Variants in MLXIP observed in about 807,000 individuals in gnomAD.
The protein encoded by MLXIP is MLX-interacting protein.
In MLXIP, 30 loss-of-function variants were observed where a neutral mutation model predicts 87.2. The observed-to-expected ratio is 0.34, with a 90% CI of 0.26 to 0.47. MLXIP has a LOEUF of 0.47. Ranked by LOEUF, MLXIP falls within the 20% of genes least tolerant of loss-of-function variation. The probability of loss-of-function intolerance (pLI) is 1.00; values close to 1 mark genes in which losing one functional copy is unlikely to be tolerated. For synonymous variants in MLXIP, 530 were observed against 514.0 expected, an observed-to-expected ratio of 1.03 and a Z score of -0.42; for missense variants, 1,002 against 1,240.1, an observed-to-expected ratio of 0.81 and a Z score of 2.88.
intron 1 of MLXIP, among the ~76,000 whole-genome samples, chr12:122,105,210 T>C (rs1321215161): frequency 6.6e-6 from 1 of 152,230 alleles, no homozygotes; most frequent in African/African-American, 2.4e-5. Context: ...TCTCTGCAGT[T>C]AGTCACTGGG....
intron 1 of MLXIP, among the ~76,000 whole-genome samples, chr12:122,093,753 G>GTT (rs1952291381): frequency 6.9e-6 from 1 of 144,598 alleles, no homozygotes; most frequent in African/African-American, 2.6e-5. Context: ...TGTGTGGTGT[G>GTT]GGTGTAGTGT....
intron 1 of MLXIP, among the ~76,000 whole-genome samples, chr12:122,094,320 TTGGTGTGTGTG>T (rs1952308868): frequency 1.5e-5 from 2 of 137,480 alleles, no homozygotes; most frequent in Admixed American, 1.4e-4. Flanking sequence ...GTGTGGTGTG[TTGGTGTGTGTG>T]TGGTGTGTAT....
At chr12:122,141,582 G>A (rs893636258) in intron 16 of MLXIP, 109 bp from the exon 17 acceptor site, 55 of 1,507,030 alleles carry the variant, frequency 3.6e-5, no homozygotes, top group Admixed American at 4.1e-5. Flanking sequence ...CATGGCTGCT[G>A]CTCGCCCCGT....
intron 1 of MLXIP, among the ~76,000 whole-genome samples, chr12:122,109,736 A>T (rs914072286): frequency 6.6e-6 from 1 of 152,228 alleles, no homozygotes; most frequent in East Asian, 1.9e-4. Flanking sequence ...TGACTAAAAA[A>T]CACCCATGGG....
chr12:122,134,856 T>C (rs559137216), intron 9 of MLXIP: 61 of 306,918 alleles, frequency 2.0e-4, no homozygotes, highest in South Asian at 1.6e-3. Context: ...GTATCTTCAG[T>C]AGAGATGGGG....
At chr12:122,123,369 C>G (rs10773037) in intron 1 of MLXIP, among the ~76,000 whole-genome samples, 76,615 of 151,958 alleles carry the variant, frequency 0.5, 19,809 homozygotes, top group Middle Eastern at 0.64. Flanking sequence ...CTTTGTGTTT[C>G]TTGAGCGCCA....
Position 122,141,959 on chromosome 12 carries a change from G to A in MLXIP, c.*147G>A, listed in dbSNP as rs2135997710. ...GCCCACCGTGGCATCGGGAGGCCAT[G>A]CTCAGGTCTGAAGCAGGTTTGGGGC... On this transcript the variant is annotated 3_prime_UTR_variant, in exon 17 of 17. Coordinates refer to ENST00000319080, the MANE Select transcript of MLXIP (RefSeq NM_014938.6). 5 of 1,277,282 alleles carry A rather than the reference G, an allele frequency of 3.9e-6. No individual in the cohort carries two copies. The highest frequency in any genetic ancestry group is 2.9e-5 in the African/African-American group (2 of 67,956). The allele number at this position is 1,277,282 out of a possible 1,614,324, so 79.1% of individuals were successfully genotyped here.
intron 1 of MLXIP, among the ~76,000 whole-genome samples, chr12:122,097,387 G>A (rs1475166709): frequency 1.3e-5 from 2 of 152,142 alleles, no homozygotes; most frequent in Non-Finnish European, 2.9e-5. Context: ...TTGGGAGGCT[G>A]ACGTGGGAGG....
chr12:122,133,316 A>G lies in MLXIP; in HGVS notation c.1093-32A>G. 6.5e-7 allele frequency: 1 copy of G among 1,530,486 alleles called. No homozygotes were observed. Among genetic ancestry groups the G allele is most frequent in the African/African-American group, 1.4e-5 (1 of 72,700 alleles). 94.8% of individuals were successfully genotyped at this position (1,530,486 alleles called of 1,614,324 possible). A position where few individuals can be genotyped will look rare whatever the true frequency, so the allele number is the denominator to read the frequency against. ...TAGAAAGGAATTGTCTGACCCCAGC[A>G]TTGCTTCCTGGCTCCTTTCTTCCTT... On this transcript the variant is annotated intron_variant, in intron 8 of 16. Coordinates refer to ENST00000319080, the MANE Select transcript of MLXIP (RefSeq NM_014938.6). The surrounding 1 kb of genome is among the most constrained non-coding windows in gnomAD (Gnocchi z 4.9).
intron 9 of MLXIP, chr12:122,134,991 A>G (rs530468616): frequency 2.4e-5 from 12 of 501,820 alleles, no homozygotes; most frequent in African/African-American, 2.1e-4. Flanking sequence ...CTTTTTTTTA[A>G]AGTTAGTCAC....
At chr12:122,138,586 C>T (rs760911436) in intron 14 of MLXIP, 35 bp downstream of exon 14, 3 of 1,590,402 alleles carry the variant, frequency 1.9e-6, no homozygotes, top group Admixed American at 3.6e-5. Context: ...CAACCAGGCA[C>T]CCCATCCCGA....
chr12:122,138,333 G>C (rs1349212210), intron 13 of MLXIP, 38 bp downstream of exon 13: 1 of 1,612,056 alleles, frequency 6.2e-7, no homozygotes, highest in Admixed American at 1.7e-5. Flanking sequence ...CAGGGCAGGG[G>C]AGCTGGCAGG....
At position 122,134,102 on chromosome 12, in the gene MLXIP, T is replaced by C. The variant is rs575510910; in HGVS notation, c.1732+115T>C. On this transcript the variant is annotated intron_variant, in intron 9 of 16. Transcript: ENST00000319080. ...ACCACCACCCTGGTGTGCACGTGCA[T>C]GCGCACACACATACACTTAAATGAA... The C allele has an allele frequency of 3.8e-5, 46 of 1,218,774 alleles. No homozygotes were observed. The African/African-American group carries it at 5.0e-4, about 13-fold the overall frequency. 75.5% of individuals were successfully genotyped at this position (1,218,774 alleles called of 1,614,324 possible). A position where few individuals can be genotyped will look rare whatever the true frequency, so the allele number is the denominator to read the frequency against.
At chr12:122,138,777 T>C in intron 14 of MLXIP, 38 bp from the exon 15 acceptor site, 1 of 1,606,184 alleles carries the variant, frequency 6.2e-7, no homozygotes, top group Non-Finnish European at 8.5e-7. Flanking sequence ...TATTGGCCAC[T>C]GGCTGCTCCA....
rs575414842 is a variant in MLXIP, at chr12:122,118,933, G to A, written c.414-8323G>A. The stretch of plus-strand genomic sequence containing the variant: ...TGTAATCCCAGCACTTTGGGAGGTC[G>A]AAGCGGGCAGATCACGAGGTCAGGA... On this transcript the variant is annotated intron_variant, in intron 1 of 16. Transcript: ENST00000319080. Among the ~76,000 whole-genome samples the A allele has an allele frequency of 3.3e-5, 5 of 151,968 alleles. No individual in the cohort carries two copies. In the South Asian group the frequency reaches 1.0e-3, roughly 32 times the overall value.
chr12:122,079,301 G>A (rs1253317004), intron 1 of MLXIP, 35 bp downstream of exon 1: 1 of 1,533,028 alleles, frequency 6.5e-7, no homozygotes, highest in Admixed American at 2.0e-5. Flanking sequence ...GGCCCCGGCC[G>A]GAGGCCCTTG....
Position 122,145,250 on chromosome 12 carries a change from C to G in MLXIP, c.*3438C>G, listed in dbSNP as rs962136313. ...AGGGGCTGGAAAGCAGCAGACCCCC[C>G]CAGTGCTGCGCATGGTCCCGGAGCT... On this transcript the variant is annotated 3_prime_UTR_variant, in exon 17 of 17. Transcript: ENST00000319080. The G allele has an allele frequency of 6.6e-6, 1 of 152,306 alleles. No individual in the cohort carries two copies. The highest frequency in any genetic ancestry group is 2.4e-5 in the African/African-American group (1 of 41,456). The allele number at this position is 152,306 out of a possible 1,614,324, so 9.4% of individuals were successfully genotyped here. A position where few individuals can be genotyped will look rare whatever the true frequency, so the allele number is the denominator to read the frequency against.
intron 1 of MLXIP, among the ~76,000 whole-genome samples, chr12:122,110,368 A>T (rs1593083363): frequency 6.6e-6 from 1 of 151,594 alleles, no homozygotes; most frequent in Non-Finnish European, 1.5e-5. Flanking sequence ...GGTCACTGCA[A>T]CCTCCGCCTC....
At position 122,141,821 on chromosome 12, in the gene MLXIP, C is replaced by G. The variant is rs775646085; in HGVS notation, c.*9C>G. 5 of 1,612,928 alleles carry G rather than the reference C, an allele frequency of 3.1e-6. No homozygotes were observed. In the Admixed American group the frequency reaches 5.0e-5, roughly 16 times the overall value. On this transcript the variant is annotated 3_prime_UTR_variant, in exon 17 of 17. Transcript: ENST00000319080. ...GATTGGGAGAGTCCTAGCTGCTTAG[C>G]TGGCATGTGGCCGCATGAGATGCCA...
Sources: gnomAD v4.1 joint callset for allele counts (sites outside exome capture counted in the v4.1 genomes callset) on GRCh38, gnomAD v4.1.1 for gene constraint, Gnocchi (gnomAD v3.1) non-coding constraint, MANE v1.5 for transcripts, NCBI Gene and HGNC (gene_info 2026-07-23, HGNC 2026-07-21) for gene names.